Variants in PCDHGA2 observed in about 807,000 individuals in gnomAD.
The protein encoded by PCDHGA2 is protocadherin gamma subfamily A, 2, also known as protocadherin gamma-A2.
Under a neutral mutation model 59.2 loss-of-function variants are expected in PCDHGA2, and 40 were observed. That is an observed-to-expected ratio of 0.68 (90% CI 0.52 to 0.88). The LOEUF (loss-of-function observed/expected upper bound fraction) is 0.88. Ranked by LOEUF, PCDHGA2 falls within the 40% of genes least tolerant of loss-of-function variation. PCDHGA2 has a pLI of 0.00. For missense variants in PCDHGA2, 1,226 were observed against 1,204.0 expected, an observed-to-expected ratio of 1.02 and a Z score of -0.27; for synonymous variants, 560 against 526.0, an observed-to-expected ratio of 1.06 and a Z score of -0.89.
intron 1 of PCDHGA2, chr5:141,414,732 T>G: frequency 6.2e-7 from 1 of 1,614,186 alleles, no homozygotes; most frequent in Non-Finnish European, 8.5e-7. Context: ...GCGTCCTGTA[T>G]GCACTCAGAT....
Position 141,489,732 on chromosome 5 carries a change from C to T in PCDHGA2, c.2425-5075C>T, listed in dbSNP as rs1562132763. On this transcript the variant is annotated intron_variant, in intron 1 of 3. Coordinates refer to ENST00000394576, the MANE Select transcript of PCDHGA2 (RefSeq NM_018915.4). This position sits in a 1 kb window ranked among gnomAD's most constrained non-coding sequence, Gnocchi z 4.5. ...GTGCCCAGGATCCGGATGTGGGCAC[C>T]AATACTGTGAGCTTTTACACTCTAA... 3.1e-6 allele frequency: 5 copies of T among 1,614,126 alleles called. No individual in the cohort carries two copies. The highest frequency in any genetic ancestry group is 1.1e-5 in the South Asian group (1 of 91,074).
chr5:141,478,199 C>T lies in PCDHGA2; in HGVS notation c.2425-16608C>T, dbSNP rs759439765. 3.7e-6 allele frequency: 6 copies of T among 1,614,056 alleles called. No homozygotes were observed. The Middle Eastern group carries it at 6.6e-4, about 178-fold the overall frequency. On this transcript the variant is annotated intron_variant, in intron 1 of 3. Coordinates refer to ENST00000394576, the MANE Select transcript of PCDHGA2 (RefSeq NM_018915.4). ...GAAAAAAAATCTCACCTTTTATCTA[C>T]TTCTTTCTCTAATCCTGGTTTCTGT...
rs535152193 is a variant in PCDHGA2, at chr5:141,422,906, C to G, written c.2425-71901C>G. ...TTCGTGCTGGACCAGAACGACAATG[C>G]GCCCGAGATCCTGTACCCTGCCCTC... On this transcript the variant is annotated intron_variant, in intron 1 of 3. Transcript: ENST00000394576. 6 of 1,614,264 alleles carry G rather than the reference C, an allele frequency of 3.7e-6. No homozygotes were observed. The South Asian group carries it at 6.6e-5, about 18-fold the overall frequency.
At chr5:141,376,483 G>T (rs139873493) in intron 1 of PCDHGA2, 17,785 of 1,614,172 alleles carry the variant, frequency 0.011, 127 homozygotes, top group Non-Finnish European at 0.012. Context: ...TACTTGAAAC[G>T]AAAGGAGAAC....
chr5:141,491,131 G>A lies in PCDHGA2; in HGVS notation c.2425-3676G>A. 1 of 1,614,182 alleles carries A rather than the reference G, an allele frequency of 6.2e-7. No individual in the cohort carries two copies. Among genetic ancestry groups the A allele is most frequent in the Non-Finnish European group, 8.5e-7 (1 of 1,180,008 alleles). ...TACACACACTGGTGAGGTGCGCACA[G>A]CCCGGGCCTTACTGGAGGATGACTC... On this transcript the variant is annotated intron_variant, in intron 1 of 3. Coordinates refer to ENST00000394576, the MANE Select transcript of PCDHGA2 (RefSeq NM_018915.4). This position sits in a 1 kb window ranked among gnomAD's most constrained non-coding sequence, Gnocchi z 6.9.
chr5:141,416,791 G>A (rs1389798483), intron 1 of PCDHGA2: 2 of 152,166 alleles, frequency 1.3e-5, no homozygotes, highest in South Asian at 2.1e-4. Context: ...TCTACTAAAT[G>A]TGGTAGTATA....
rs535024997 is a variant in PCDHGA2, at chr5:141,371,494, C to T, written c.2424+30099C>T. ...GATGCTGAGCTGGGGACTGCCGTTG[C>T]CCTGATCAAAACACATGATCTAGAT... On this transcript the variant is annotated intron_variant, in intron 1 of 3. Coordinates refer to ENST00000394576, the MANE Select transcript of PCDHGA2 (RefSeq NM_018915.4). The T allele has an allele frequency of 2.5e-6, 4 of 1,613,888 alleles. No individual in the cohort carries two copies. In the Admixed American group the frequency reaches 5.0e-5, roughly 20 times the overall value.
chr5:141,349,128 T>C (rs1396507844), intron 1 of PCDHGA2, among the ~76,000 whole-genome samples: 2 of 152,184 alleles, frequency 1.3e-5, no homozygotes, highest in Non-Finnish European at 2.9e-5. Flanking sequence ...TGGACTTCAG[T>C]GGCATGATCT....
intron 1 of PCDHGA2, chr5:141,418,609 C>G: frequency 6.2e-7 from 1 of 1,614,026 alleles, no homozygotes. Flanking sequence ...ACAGGGTTAG[C>G]CTTCGGGAAG....
chr5:141,505,577 G>A lies in PCDHGA2; in HGVS notation c.2572+96G>A, dbSNP rs537948666. 8.2e-6 allele frequency: 13 copies of A among 1,589,854 alleles called. No homozygotes were observed. The African/African-American group carries it at 1.1e-4, about 13-fold the overall frequency. Reference sequence around the variant, plus strand: ...TGCCCACGGACTGGATGTCAAACCTGTGTAGTTTCTCCAGATCTTTCGGCA... The same window carrying A: ...TGCCCACGGACTGGATGTCAAACCTATGTAGTTTCTCCAGATCTTTCGGCA... On this transcript the variant is annotated intron_variant, in intron 3 of 3. Coordinates refer to ENST00000394576, the MANE Select transcript of PCDHGA2 (RefSeq NM_018915.4).
chr5:141,395,483 AT>A lies in PCDHGA2; in HGVS notation c.2424+54090del, dbSNP rs2093238640. ...TTAAGCCTTCCAGTATTTTATTCCT[AT>A]TATCACTCATTCACTTAAGAAGTAG... On this transcript the variant is annotated intron_variant, in intron 1 of 3. Transcript: ENST00000394576. The A allele has an allele frequency of 5.8e-6, 3 of 512,838 alleles. No individual in the cohort carries two copies. The South Asian group carries it at 8.4e-5, about 14-fold the overall frequency. The allele number at this position is 512,838 out of a possible 1,614,324, so 31.8% of individuals were successfully genotyped here.
intron 1 of PCDHGA2, chr5:141,376,412 G>A (rs1772658839): frequency 1.9e-6 from 3 of 1,614,164 alleles, no homozygotes; most frequent in African/African-American, 1.3e-5. Context: ...CAACTATGCC[G>A]ACACGCTTAT....
intron 1 of PCDHGA2, chr5:141,428,257 G>A: frequency 1.2e-6 from 1 of 865,864 alleles, no homozygotes; most frequent in Non-Finnish European, 1.9e-6. Context: ...AGACTTCAGT[G>A]ACAGTCCTGT....
intron 1 of PCDHGA2, among the ~76,000 whole-genome samples, chr5:141,478,999 A>C (rs1220971456): frequency 2.0e-5 from 3 of 152,194 alleles, no homozygotes. Context: ...ATTAAAACTA[A>C]TAGCTTTTTG....
chr5:141,388,871 C>T, intron 1 of PCDHGA2: 2 of 1,613,930 alleles, frequency 1.2e-6, no homozygotes, highest in Non-Finnish European at 8.5e-7. Flanking sequence ...TTGCGCAATG[C>T]ACAGTGGAGG....
At chr5:141,422,167 A>G in intron 1 of PCDHGA2, 1 of 1,562,764 alleles carries the variant, frequency 6.4e-7, no homozygotes, top group Non-Finnish European at 8.6e-7. Context: ...TGAAAAATAT[A>G]GATTCTATGA....
At position 141,432,552 on chromosome 5, in the gene PCDHGA2, C is replaced by G. The variant is rs1181931321; in HGVS notation, c.2425-62255C>G. ...AAGGTGGTGGCGGTGGACAGAGACT[C>G]CGGCCAGAACGCCTGGCTGTCCTAC... On this transcript the variant is annotated intron_variant, in intron 1 of 3. Coordinates refer to ENST00000394576, the MANE Select transcript of PCDHGA2 (RefSeq NM_018915.4). The surrounding 1 kb of genome is among the most constrained non-coding windows in gnomAD (Gnocchi z 6.0). The G allele has an allele frequency of 6.2e-7, 1 of 1,613,970 alleles. No homozygotes were observed. The highest frequency in any genetic ancestry group is 1.1e-5 in the South Asian group (1 of 91,064).
At chr5:141,482,530 CAAAAAAAAA>C (rs3074545) in intron 1 of PCDHGA2, among the ~76,000 whole-genome samples, 16 of 76,560 alleles carry the variant, frequency 2.1e-4, no homozygotes, top group African/African-American at 7.7e-4. Context: ...GACAGACATG[CAAAAAAAAA>C]AAAAAAAAAA....
intron 1 of PCDHGA2, among the ~76,000 whole-genome samples, chr5:141,465,276 C>A (rs558169180): frequency 6.6e-6 from 1 of 152,254 alleles, no homozygotes; most frequent in South Asian, 2.1e-4. Context: ...CCATTTAGTT[C>A]ACCCCTAAAG....
Sources: gnomAD v4.1 joint callset for allele counts (sites outside exome capture counted in the v4.1 genomes callset) on GRCh38, gnomAD v4.1.1 for gene constraint, Gnocchi (gnomAD v3.1) non-coding constraint, MANE v1.5 for transcripts, NCBI Gene and HGNC (gene_info 2026-07-23, HGNC 2026-07-21) for gene names.